UBE3B: variants seen among roughly 807,000 people sequenced by gnomAD.
UBE3B encodes the protein ubiquitin protein ligase E3B.
A neutral mutation model predicts 132.3 loss-of-function variants in UBE3B; 80 were observed. The observed-to-expected ratio is 0.60, with a 90% confidence interval of 0.50 to 0.73. The LOEUF is 0.73. Ranked by LOEUF, UBE3B falls within the 30% of genes least tolerant of loss-of-function variation. The pLI is 0.00. For missense variants in UBE3B, 1,196 were observed against 1,362.5 expected (o/e 0.88, Z 1.92); for synonymous variants, 487 against 520.4 (o/e 0.94, Z 0.87).
Position 109,479,016 on chromosome 12 carries a change from CTT to C in UBE3B, c.-128+908_-128+909del, listed in dbSNP as rs1220242123. ...TAAGACAAGAGTCTGAATCCTGCCT[CTT>C]AGTTATTACAGCCTTGACTCTGCCA... On this transcript the variant is annotated intron_variant, in intron 1 of 27. Coordinates refer to ENST00000342494, the MANE Select transcript of UBE3B (RefSeq NM_130466.4). Among the ~76,000 whole-genome samples, 3 of 152,310 alleles carry C rather than the reference CTT, an allele frequency of 2.0e-5. No individual in the cohort carries two copies. In the East Asian group the frequency reaches 5.8e-4, roughly 29 times the overall value.
intron 14 of UBE3B, 129 bp from the exon 15 acceptor site, chr12:109,507,435 C>T (rs1879828402): frequency 9.8e-7 from 1 of 1,015,282 alleles, no homozygotes; most frequent in Non-Finnish European, 1.4e-6. Context: ...TCCATAATCC[C>T]ACCTTCTTTT....
At chr12:109,514,177 GCCCTTAAGT>G (rs1200884432) in intron 18 of UBE3B, among the ~76,000 whole-genome samples, 2 of 152,144 alleles carry the variant, frequency 1.3e-5, no homozygotes, top group Non-Finnish European at 2.9e-5. Context: ...CCCCTGGCTG[GCCCTTAAGT>G]CCTCTCTGCC....
chr12:109,503,323 C>T (rs1879232186), intron 14 of UBE3B, 133 bp downstream of exon 14: 2 of 1,193,270 alleles, frequency 1.7e-6, no homozygotes, highest in Non-Finnish European at 2.3e-6. Context: ...TTGAGCTGTT[C>T]CTCTTAGAGA....
chr12:109,520,660 G>T (rs1475120872), intron 19 of UBE3B: 1 of 152,910 alleles, frequency 6.5e-6, no homozygotes, highest in Non-Finnish European at 1.5e-5. Context: ...AGCATGACTT[G>T]CAGGCACTTC....
chr12:109,544,838 TC>T, the UBE3B span, among the ~76,000 whole-genome samples: 3 of 152,222 alleles, frequency 2.0e-5, no homozygotes, highest in Admixed American at 6.5e-5. Context: ...GGCACAGCGA[TC>T]TTGGCAACAG....
At chr12:109,526,121 C>T (rs1882306345) in intron 23 of UBE3B, among the ~76,000 whole-genome samples, 2 of 152,168 alleles carry the variant, frequency 1.3e-5, no homozygotes, top group South Asian at 4.1e-4. Context: ...ATCCCGAAGT[C>T]TTAATACAAA....
chr12:109,530,762 C>T, intron 26 of UBE3B, 104 bp downstream of exon 26: 1 of 1,125,528 alleles, frequency 8.9e-7, no homozygotes, highest in Non-Finnish European at 1.3e-6. Context: ...ATCAGGAGGA[C>T]CTCAGATAGT....
At chr12:109,526,083 G>A (rs775174414) in intron 23 of UBE3B, among the ~76,000 whole-genome samples, 2 of 152,078 alleles carry the variant, frequency 1.3e-5, no homozygotes, top group East Asian at 1.9e-4. Context: ...ACTCTACTCC[G>A]AAATGCCAAC....
chr12:109,528,992 C>CT (rs1882674491), intron 24 of UBE3B, among the ~76,000 whole-genome samples: 1 of 152,104 alleles, frequency 6.6e-6, no homozygotes, highest in Non-Finnish European at 1.5e-5. Flanking sequence ...AACCCCATCT[C>CT]TACTAGAAAT....
chr12:109,494,172 A>T (rs1877863199), intron 9 of UBE3B, among the ~76,000 whole-genome samples: 2 of 152,146 alleles, frequency 1.3e-5, no homozygotes, highest in African/African-American at 4.8e-5. Flanking sequence ...AGAGAAGTTA[A>T]ACTGTTTGCT....
intron 1 of UBE3B, among the ~76,000 whole-genome samples, chr12:109,479,127 A>G (rs1002898210): frequency 6.6e-6 from 1 of 152,230 alleles, no homozygotes; most frequent in Non-Finnish European, 1.5e-5. Flanking sequence ...GAGATCACTT[A>G]TAAAGGACTT....
At position 109,489,961 on chromosome 12, in the gene UBE3B, T is replaced by C; in HGVS notation, c.587T>C (p.Ile196Thr). 4 of 1,614,244 alleles carry C rather than the reference T, an allele frequency of 2.5e-6. No homozygotes were observed. Among genetic ancestry groups the C allele is most frequent in the South Asian group, 1.1e-5 (1 of 91,090 alleles). Residue 196 changes from isoleucine to threonine, a missense_variant, in exon 8 of 28, where the codon ATA (isoleucine) becomes ACA (threonine). Transcript: ENST00000342494. ...RPAMNHICAN[I>T]MGHLNQHGFY... ...GCGATGAACCACATTTGTGCAAATA[T>C]AATGGGACATCTCAACCAGCATGGA...
rs752604839 is a variant in UBE3B, at chr12:109,524,439, G to A, written c.2504G>A (p.Arg835His). 7.2e-5 allele frequency: 116 copies of A among 1,614,076 alleles called. No individual in the cohort carries two copies. The highest frequency in any genetic ancestry group is 1.6e-4 in the Middle Eastern group (1 of 6,084). ...EFYKNLTSIK[R>H]YDGDITDLGL... ...CTTTCCCCTTCTCTGTTACATTAGCGCTATGATGGGGACATCACTGACCTG... is the reference window on the plus strand; with the variant it reads ...CTTTCCCCTTCTCTGTTACATTAGCACTATGATGGGGACATCACTGACCTG... The change falls in exon 23 of 28, where the codon CGC (arginine) becomes CAC (histidine). Residue 835 changes from arginine to histidine, a missense_variant and splice_region_variant. By Grantham distance (29) the Arg-to-His change is conservative. Transcript: ENST00000342494.
chr12:109,501,602 A>G (rs1879005155), intron 13 of UBE3B, 68 bp downstream of exon 13: 14 of 1,536,740 alleles, frequency 9.1e-6, no homozygotes, highest in South Asian at 2.5e-5. Context: ...GTTTCTTCCT[A>G]TATGGATGTT....
intron 27 of UBE3B, chr12:109,533,827 C>A: frequency 9.9e-7 from 1 of 1,014,354 alleles, no homozygotes; most frequent in Non-Finnish European, 1.4e-6. Context: ...TGGGTACGTG[C>A]TGTTTTTAGT....
rs1046870412 is a variant in UBE3B at position 109,522,665 on chromosome 12, C to G, written c.2364+1114C>G. 6.6e-6 allele frequency among the ~76,000 whole-genome samples: 1 copy of G among 152,200 alleles called. No homozygotes were observed. Among genetic ancestry groups the G allele is most frequent in the African/African-American group, 2.4e-5 (1 of 41,454 alleles). Reference sequence around the variant, plus strand: ...CTCAGGGCCAAACTCCTTTCACTCTCGAATAATCCATTGTTCTCTCTGTCT... The same window carrying G: ...CTCAGGGCCAAACTCCTTTCACTCTGGAATAATCCATTGTTCTCTCTGTCT... On this transcript the variant is annotated intron_variant, in intron 21 of 27. Coordinates refer to ENST00000342494, the MANE Select transcript of UBE3B (RefSeq NM_130466.4). The surrounding 1 kb of genome is among the most constrained non-coding windows in gnomAD (Gnocchi z 4.2).
At chr12:109,518,010 C>A in intron 19 of UBE3B, 1 of 410,574 alleles carries the variant, frequency 2.4e-6, no homozygotes, top group Non-Finnish European at 5.1e-6. Context: ...TGACATTCTT[C>A]AAGGTAGGCA....
rs541999783 is a variant in UBE3B, at chr12:109,534,362, G to C, written c.3016-229G>C. ...GGCCCCATTTCCAAAAGCTTACTTA[G>C]TGCAGGAATTCTCTGTGCAGGCCCC... On this transcript the variant is annotated intron_variant, in intron 27 of 27. Transcript: ENST00000342494. The surrounding 1 kb of genome is among the most constrained non-coding windows in gnomAD (Gnocchi z 5.2). 6 of 1,416,682 alleles carry C rather than the reference G, an allele frequency of 4.2e-6. No individual in the cohort carries two copies. The highest frequency in any genetic ancestry group is 2.9e-5 in the African/African-American group (2 of 69,228). The allele number at this position is 1,416,682 out of a possible 1,614,324, so 87.8% of individuals were successfully genotyped here. A position where few individuals can be genotyped will look rare whatever the true frequency, so the allele number is the denominator to read the frequency against.
intron 6 of UBE3B, among the ~76,000 whole-genome samples, 189 bp from the exon 7 acceptor site, chr12:109,488,383 G>T (rs1457493165): frequency 6.6e-6 from 1 of 151,990 alleles, no homozygotes; most frequent in African/African-American, 2.4e-5. Context: ...TCAGGCACTA[G>T]AGTGCCACAT....
Sources: allele counts gnomAD v4.1 joint callset (sites outside exome capture counted in the v4.1 genomes callset), GRCh38; gene constraint gnomAD v4.1.1; non-coding constraint Gnocchi (gnomAD v3.1); transcripts MANE v1.5; gene names NCBI Gene and HGNC (gene_info 2026-07-23, HGNC 2026-07-21).